Variants in PRC1 observed in about 807,000 individuals in gnomAD.
The protein encoded by PRC1 is anaphase spindle elongation 1 homolog.
A neutral mutation model predicts 91.2 loss-of-function variants in PRC1; 54 were observed. The observed-to-expected ratio is 0.59, with a 90% CI of 0.48 to 0.74. The LOEUF (loss-of-function observed/expected upper bound fraction) is 0.74. PRC1 is among the 30% of genes least tolerant of loss of function. The pLI, the probability that PRC1 is intolerant of heterozygous loss-of-function variation, is 0.00. For missense variants in PRC1, 727 were observed against 746.2 expected (o/e 0.97, Z 0.30); for synonymous variants, 275 against 263.6 (o/e 1.04, Z -0.42).
rs1316215068 is a variant in PRC1, at chr15:90,966,839, T to C, written c.*292A>G. 2 of 499,658 alleles carry C rather than the reference T, an allele frequency of 4.0e-6. No homozygotes were observed. The allele number at this position is 499,658 out of a possible 1,614,324, so 31.0% of individuals were successfully genotyped here. ...GAAATAAAACAAGCTTTGATCATGCTTCAGCAAGTAGAATTATGTGGTAGA... is the reference window on the plus strand; with the variant it reads ...GAAATAAAACAAGCTTTGATCATGCCTCAGCAAGTAGAATTATGTGGTAGA... On this transcript the variant is annotated 3_prime_UTR_variant, in exon 15 of 15. Coordinates refer to ENST00000394249, the MANE Select transcript of PRC1 (RefSeq NM_003981.4).
intron 1 of PRC1, among the ~76,000 whole-genome samples, chr15:90,990,528 A>G (rs2151623233): frequency 6.6e-6 from 1 of 151,634 alleles, no homozygotes; most frequent in East Asian, 2.0e-4. Flanking sequence ...GCCTAGCCGA[A>G]AAGTAGATTT....
At chr15:90,980,568 G>A (rs928936356) in intron 6 of PRC1, 179 bp from the exon 7 acceptor site, 15 of 767,562 alleles carry the variant, frequency 2.0e-5, no homozygotes, top group East Asian at 2.8e-5. Flanking sequence ...GCCCAGACAG[G>A]AGTGCAGTGG....
chr15:90,969,048 A>T (rs956919985), intron 14 of PRC1, 31 bp downstream of exon 14: 2 of 1,613,514 alleles, frequency 1.2e-6, no homozygotes, highest in African/African-American at 2.7e-5. Context: ...ATCAGTTTGG[A>T]AAAGGGACAT....
intron 1 of PRC1, among the ~76,000 whole-genome samples, chr15:90,993,070 CAAAAAAAAAAAAAAAAA>C (rs67427806): frequency 6.5e-4 from 20 of 30,920 alleles, no homozygotes; most frequent in Admixed American, 1.0e-3. Context: ...GACCCCGTCT[CAAAAAAAAAAAAAAAAA>C]AAAAAAAAAA....
intron 9 of PRC1, among the ~76,000 whole-genome samples, chr15:90,975,704 G>T (rs1374077973): frequency 6.6e-6 from 1 of 152,124 alleles, no homozygotes; most frequent in East Asian, 1.9e-4. Flanking sequence ...GAGAATTAAG[G>T]CCAGGTATGG....
Position 90,974,637 on chromosome 15 carries a change from G to A in PRC1, c.1298C>T (p.Ala433Val). The A allele has an allele frequency of 6.2e-7, 1 of 1,614,094 alleles. No individual in the cohort carries two copies. The highest frequency in any genetic ancestry group is 8.5e-7 in the Non-Finnish European group (1 of 1,180,032). Residue 433 changes from alanine to valine, a missense_variant, in exon 10 of 15, where the codon GCA becomes GTA. Physicochemically the swap from Ala to Val is moderately conservative, Grantham distance 64. Transcript: ENST00000394249. The surrounding 1 kb of genome is among the most constrained non-coding windows in gnomAD (Gnocchi z 4.6). The stretch of plus-strand genomic sequence containing the variant: ...CAATCGATGCATCTCCCATTGTTCT[G>A]CCACATACTCCATGAATTTCTGCCC... ...VNGQKFMEYV[A>V]EQWEMHRLEK...
At chr15:90,968,412 T>C (rs2037730390) in intron 14 of PRC1, 8 of 985,270 alleles carry the variant, frequency 8.1e-6, no homozygotes, top group Non-Finnish European at 9.6e-6. Context: ...TAACTCAATA[T>C]CCCCTCAAGG....
chr15:90,967,451 TCA>T, intron 14 of PRC1: 1 of 527,352 alleles, frequency 1.9e-6, no homozygotes, highest in Non-Finnish European at 3.4e-6. Context: ...CTGTTACACC[TCA>T]CAGAAGAGAA....
In PRC1 at chr15:90,974,621, C is replaced by T. The variant is rs780378183; in HGVS notation, c.1314G>A (p.Met438Ile). 3.7e-6 allele frequency: 6 copies of T among 1,614,108 alleles called. No individual in the cohort carries two copies. The South Asian group carries it at 4.4e-5, about 12-fold the overall frequency. Residue 438 changes from methionine to isoleucine, a missense_variant, in exon 10 of 15, where the codon ATG (methionine) becomes ATA (isoleucine). Met to Ile is a conservative substitution (Grantham distance 10, BLOSUM62 1). Transcript: ENST00000394249. This position sits in a 1 kb window ranked among gnomAD's most constrained non-coding sequence, Gnocchi z 4.6. Reference sequence around the variant, plus strand: ...TGGCTCTCTCTTTCTCCAATCGATGCATCTCCCATTGTTCTGCCACATACT... The same window carrying T: ...TGGCTCTCTCTTTCTCCAATCGATGTATCTCCCATTGTTCTGCCACATACT... ...FMEYVAEQWEMHRLEKERAKQ... is the reference protein window; with the variant it reads ...FMEYVAEQWEIHRLEKERAKQ...
intron 14 of PRC1, chr15:90,967,838 C>G (rs1431755909): frequency 1.0e-6 from 1 of 985,272 alleles, no homozygotes; most frequent in Non-Finnish European, 1.2e-6. Context: ...AGGCATGACT[C>G]TACTTCACAG....
Position 90,984,208 on chromosome 15 carries a change from A to G in PRC1, c.145-68T>C. 5.1e-6 allele frequency: 8 copies of G among 1,557,682 alleles called. No homozygotes were observed. The highest frequency in any genetic ancestry group is 7.0e-6 in the Non-Finnish European group (8 of 1,146,920). ...AAAAAAACTCCCAACACCAATACCA[A>G]ACTCCTCAAATTTCTTTTTTCTTTT... On this transcript the variant is annotated intron_variant, in intron 2 of 14. Transcript: ENST00000394249. This position sits in a 1 kb window ranked among gnomAD's most constrained non-coding sequence, Gnocchi z 5.1.
chr15:90,969,024 C>A (rs1216525047), intron 14 of PRC1, 55 bp downstream of exon 14: 4 of 1,613,234 alleles, frequency 2.5e-6, no homozygotes, highest in Non-Finnish European at 2.5e-6. Flanking sequence ...ATGAATGAAG[C>A]CAGCAGATGA....
intron 11 of PRC1, chr15:90,973,898 A>C (rs2038413658): frequency 2.3e-6 from 1 of 433,750 alleles, no homozygotes; most frequent in Non-Finnish European, 4.2e-6. Flanking sequence ...GTAATCAATA[A>C]ATACTGAGGG....
rs1422811335 is a variant in PRC1, at chr15:90,967,782, A to G, written c.1792-580T>C. The stretch of plus-strand genomic sequence containing the variant: ...GTTAAGTACACTCTGATATGTGCAC[A>G]ATGAAATTGCCCCACATTCTCAGAA... On this transcript the variant is annotated intron_variant, in intron 14 of 14. Coordinates refer to ENST00000394249, the MANE Select transcript of PRC1 (RefSeq NM_003981.4). The G allele has an allele frequency of 6.4e-6, 6 of 939,036 alleles. No individual in the cohort carries two copies. The East Asian group carries it at 7.0e-4, about 110-fold the overall frequency. The allele number at this position is 939,036 out of a possible 1,614,324, so 58.2% of individuals were successfully genotyped here. A position where few individuals can be genotyped will look rare whatever the true frequency, so the allele number is the denominator to read the frequency against.
chr15:90,981,020 T>C lies in PRC1; in HGVS notation c.686A>G (p.Lys229Arg). The change falls in exon 6 of 15, where the codon AAA (lysine) becomes AGA (arginine). Residue 229 changes from lysine to arginine, a missense_variant. Physicochemically the swap from Lys to Arg is conservative, Grantham distance 26. Coordinates refer to ENST00000394249, the MANE Select transcript of PRC1 (RefSeq NM_003981.4). ...CTCACACACTGCTTCATTTTGTGAT[T>C]TCTGCATTTCCAGCTACAGCATAGA... ...QKLLRQLEMQKSQNEAVCEGL... is the reference protein window; with the variant it reads ...QKLLRQLEMQRSQNEAVCEGL... 1.2e-6 allele frequency: 2 copies of C among 1,614,198 alleles called. No individual in the cohort carries two copies. The highest frequency in any genetic ancestry group is 2.2e-5 in the South Asian group (2 of 91,086).
Position 90,980,874 on chromosome 15 carries a change from G to A in PRC1, c.822+10C>T. 6.2e-7 allele frequency: 1 copy of A among 1,614,126 alleles called. No homozygotes were observed. The highest frequency in any genetic ancestry group is 8.5e-7 in the Non-Finnish European group (1 of 1,180,030). On this transcript the variant is annotated intron_variant, in intron 6 of 14. Coordinates refer to ENST00000394249, the MANE Select transcript of PRC1 (RefSeq NM_003981.4). ...AAGACTGCTGACCCAGTACCCACTG[G>A]GTTTCTTACCGCTTTCCGGACCTTG...
chr15:90,991,541 C>T (rs995728221), intron 1 of PRC1, among the ~76,000 whole-genome samples: 2 of 152,100 alleles, frequency 1.3e-5, no homozygotes, highest in African/African-American at 4.8e-5. Flanking sequence ...GAGACACTTC[C>T]TGTAAGAGGA....
At chr15:90,982,911 A>C (rs16945132) in intron 3 of PRC1, among the ~76,000 whole-genome samples, 2 of 151,710 alleles carry the variant, frequency 1.3e-5, no homozygotes, top group African/African-American at 4.9e-5. Flanking sequence ...CTCTACTCCT[A>C]ACTGGTTAAC....
chr15:90,973,287 G>C (rs1385383490), intron 11 of PRC1, among the ~76,000 whole-genome samples: 2 of 152,262 alleles, frequency 1.3e-5, no homozygotes, highest in African/African-American at 4.8e-5. Flanking sequence ...AAGGGATCTA[G>C]GGCTGTGCAG....
Sources: gnomAD v4.1 joint callset for allele counts (sites outside exome capture counted in the v4.1 genomes callset) on GRCh38, gnomAD v4.1.1 for gene constraint, Gnocchi (gnomAD v3.1) non-coding constraint, MANE v1.5 for transcripts, NCBI Gene and HGNC (gene_info 2026-07-23, HGNC 2026-07-21) for gene names.